RNF123: variants seen among roughly 807,000 people sequenced by gnomAD.
RNF123 encodes E3 ubiquitin-protein ligase RNF123.
Under a neutral mutation model 168.5 loss-of-function variants are expected in RNF123, and 86 were observed. The observed-to-expected ratio is 0.51, with a 90% CI of 0.43 to 0.61. RNF123 has a LOEUF of 0.61. Among genes scored for constraint, RNF123 ranks in the 20% least tolerant of loss-of-function variants. RNF123 has a pLI of 0.00. For missense variants in RNF123, 1,419 were observed against 1,729.7 expected, an observed-to-expected ratio of 0.82 and a Z score of 3.19; for synonymous variants, 666 against 689.1, an observed-to-expected ratio of 0.97 and a Z score of 0.52.
Position 49,705,101 on chromosome 3 carries a change from A to C in RNF123, c.2077A>C (p.Met693Leu). The C allele has an allele frequency of 1.2e-6, 2 of 1,611,494 alleles. No individual in the cohort carries two copies. The highest frequency in any genetic ancestry group is 1.7e-6 in the Non-Finnish European group (2 of 1,178,926). ...RFLSTAAVSLMTPRRPLSTSE... is the reference protein window; with the variant it reads ...RFLSTAAVSLLTPRRPLSTSE... ...CCTCAGCACAGCGGCTGTGAGCCTCATGACCCCACGGCGGCCTCTGAGCAC... is the reference window on the plus strand; with the variant it reads ...CCTCAGCACAGCGGCTGTGAGCCTCCTGACCCCACGGCGGCCTCTGAGCAC... The change falls in exon 23 of 39, where the codon ATG (methionine) becomes CTG (leucine). Residue 693 changes from methionine to leucine, a missense_variant. Transcript: ENST00000327697.
At chr3:49,704,850 C>A in intron 22 of RNF123, 94 bp downstream of exon 22, 2 of 1,395,548 alleles carry the variant, frequency 1.4e-6, no homozygotes, top group Non-Finnish European at 1.9e-6. Context: ...CCGCTCCATG[C>A]AGGCAAAGGG....
At position 49,715,611 on chromosome 3, in the gene RNF123, C is replaced by T. The variant is rs199987645; in HGVS notation, c.3047C>T (p.Ala1016Val). 4.5e-4 allele frequency: 719 copies of T among 1,614,136 alleles called. 2 individuals are homozygous for T. Among genetic ancestry groups the T allele is most frequent in the Non-Finnish European group, 5.0e-4 (593 of 1,180,022 alleles). ...TCCACCCTGCTGCAGCAGCACATGG[C>T]GGACCTCCTACAGCAGGGTCCTGAT... ...CPSTLLQQHM[A>V]DLLQQGPDVA... Residue 1016 changes from alanine (A) to valine (V), a missense_variant, in exon 32 of 39, where the codon GCG becomes GTG. By Grantham distance (64) the Ala-to-Val change is moderately conservative (BLOSUM62 0). This residue lies in a region of RNF123 where 538 missense variants were observed against 708.8 expected (regional missense o/e 0.76). Coordinates refer to ENST00000327697, the MANE Select transcript of RNF123 (RefSeq NM_022064.5).
rs751584613 is a variant in RNF123, at chr3:49,713,816, C to T, written c.2828C>T (p.Pro943Leu). The change falls in exon 29 of 39, where the codon CCC becomes CTC. Residue 943 changes from proline to leucine, a missense_variant. Pro to Leu is a moderately conservative substitution (Grantham distance 98). Around this residue, in one of 5 missense-constraint regions of RNF123, gnomAD observed 538 missense variants for 708.8 expected, o/e 0.76. Transcript: ENST00000327697. ...TCCCTGCGGGCTGTGGAGCGAATCC[C>T]CGAGGAGCAGTGAGTGGGGCCTGGG... is the stretch of plus-strand genomic sequence containing the variant. ...PHSLRAVERI[P>L]EEQRIAMVRN... 7 of 1,613,036 alleles carry T rather than the reference C, an allele frequency of 4.3e-6. No individual in the cohort carries two copies. Among genetic ancestry groups the T allele is most frequent in the South Asian group, 1.1e-5 (1 of 91,008 alleles).
intron 25 of RNF123, 65 bp from the exon 26 acceptor site, chr3:49,706,726 A>C (rs2054527434): frequency 7.0e-7 from 1 of 1,418,896 alleles, no homozygotes; most frequent in Non-Finnish European, 1.0e-6. Context: ...GGCTGCCTGC[A>C]GGATCAGGGT....
intron 3 of RNF123, among the ~76,000 whole-genome samples, chr3:49,695,412 T>G (rs1575519742): frequency 6.6e-6 from 1 of 152,330 alleles, no homozygotes; most frequent in East Asian, 1.9e-4. Context: ...TAACTGCTTT[T>G]GAGGAAGGCT....
Position 49,704,515 on chromosome 3 carries a change from G to C in RNF123, c.1853-135G>C, listed in dbSNP as rs1000436098. 159 of 670,836 alleles carry C rather than the reference G, an allele frequency of 2.4e-4. 4 individuals are homozygous for C. The South Asian group carries it at 3.1e-3, about 13-fold the overall frequency. The allele number at this position is 670,836 out of a possible 1,614,324, so 41.6% of individuals were successfully genotyped here. ...TGGGTGGAGGAGGCGGAGGGGCGAG[G>C]GGCAGATACGGTGCTAAACCGGGCT... On this transcript the variant is annotated intron_variant, in intron 21 of 38. Transcript: ENST00000327697.
At chr3:49,715,042 GC>G (rs963175976) in intron 31 of RNF123, among the ~76,000 whole-genome samples, 102 of 152,242 alleles carry the variant, frequency 6.7e-4, no homozygotes, top group African/African-American at 2.2e-3. Context: ...GGGGAGGTGC[GC>G]CAGGCCCGTT....
chr3:49,714,749 C>G (rs114810238), intron 31 of RNF123, among the ~76,000 whole-genome samples: 3 of 152,366 alleles, frequency 2.0e-5, no homozygotes, highest in Admixed American at 6.5e-5. Flanking sequence ...AGGACTTTCC[C>G]CTAGGCCTGG....
At chr3:49,690,712 G>A (rs917835067) in intron 1 of RNF123, among the ~76,000 whole-genome samples, 2 of 152,230 alleles carry the variant, frequency 1.3e-5, no homozygotes, top group Non-Finnish European at 2.9e-5. Context: ...GCACTTGGGG[G>A]AATGTGTAGG....
intron 1 of RNF123, among the ~76,000 whole-genome samples, chr3:49,690,073 C>T (rs1464208905): frequency 6.6e-6 from 1 of 152,140 alleles, no homozygotes; most frequent in Non-Finnish European, 1.5e-5. Context: ...GGGAAAATCA[C>T]CTTCCCGAGG....
chr3:49,690,998 C>T, intron 1 of RNF123, 132 bp from the exon 2 acceptor site: 1 of 608,610 alleles, frequency 1.6e-6, no homozygotes, highest in Middle Eastern at 4.5e-4. Flanking sequence ...CCCCTGCATT[C>T]CCCTGCCCTA....
intron 27 of RNF123, 147 bp downstream of exon 27, chr3:49,712,803 C>T: frequency 3.3e-6 from 3 of 919,080 alleles, no homozygotes; most frequent in South Asian, 2.7e-5. Context: ...GTTCACCCTG[C>T]AGCAAACAAA....
chr3:49,705,265 A>C, intron 23 of RNF123, 83 bp downstream of exon 23: 1 of 1,465,074 alleles, frequency 6.8e-7, no homozygotes, highest in South Asian at 1.3e-5. Flanking sequence ...GCCAAAATAC[A>C]CCCCATGCCC....
At chr3:49,705,716 G>A (rs774056324) in intron 24 of RNF123, 37 bp downstream of exon 24, 4 of 1,613,000 alleles carry the variant, frequency 2.5e-6, no homozygotes, top group Admixed American at 3.3e-5. Flanking sequence ...GGTGGCGGGT[G>A]TTGTGCGTGT....
At chr3:49,712,329 C>T (rs2080158899) in intron 26 of RNF123, 150 bp from the exon 27 acceptor site, 1 of 711,400 alleles carries the variant, frequency 1.4e-6, no homozygotes, top group East Asian at 2.7e-5. Context: ...CTTGATTGCC[C>T]TGCTTGAGCT....
chr3:49,705,284 C>T (rs2054492822), intron 23 of RNF123, 102 bp downstream of exon 23: 2 of 1,402,332 alleles, frequency 1.4e-6, no homozygotes, highest in African/African-American at 2.9e-5. Flanking sequence ...CCTCCCAGCC[C>T]TGTGGCCTGG....
chr3:49,697,803 C>T (rs2054297929), intron 5 of RNF123, 82 bp from the exon 6 acceptor site: 2 of 1,546,628 alleles, frequency 1.3e-6, no homozygotes, highest in Non-Finnish European at 8.9e-7. Context: ...AGGGCTGGCT[C>T]AGTTGGGGAT....
intron 15 of RNF123, 145 bp from the exon 16 acceptor site, chr3:49,701,346 G>T: frequency 1.4e-6 from 1 of 692,310 alleles, no homozygotes; most frequent in African/African-American, 1.8e-5. Flanking sequence ...GCATGCCCTG[G>T]GGGTCAGACA....
chr3:49,702,442 G>T (rs183025105), intron 19 of RNF123, 37 bp downstream of exon 19: 2 of 1,609,384 alleles, frequency 1.2e-6, no homozygotes, highest in African/African-American at 1.3e-5. Context: ...GTGGATCCCC[G>T]GCTGCACTAC....
Sources: allele counts gnomAD v4.1 joint callset (sites outside exome capture counted in the v4.1 genomes callset), GRCh38; gene constraint gnomAD v4.1.1; regional missense constraint gnomAD v4.1.1; transcripts MANE v1.5; gene names NCBI Gene and HGNC (gene_info 2026-07-23, HGNC 2026-07-21).